Variants in GPN2 observed in about 807,000 individuals in gnomAD.
The protein encoded by GPN2 is GPN-loop GTPase 2, also known as ATP-binding domain 1 family member B.
In GPN2, 27 loss-of-function variants were observed where a neutral mutation model predicts 30.1. The ratio of observed to expected loss-of-function variants is 0.90; its 90% CI spans 0.66 to 1.24. The LOEUF is 1.24. GPN2 is among the 50% of genes most tolerant of loss of function. The probability of loss-of-function intolerance (pLI) is 0.00; values close to 1 mark genes in which losing one functional copy is unlikely to be tolerated. For synonymous variants in GPN2, 212 were observed against 174.4 expected (o/e 1.22, Z -1.70); for missense variants, 406 against 405.4 (o/e 1.00, Z -0.01).
intron 3 of GPN2, among the ~76,000 whole-genome samples, chr1:26,884,646 T>C (rs1258198784): frequency 1.3e-5 from 2 of 152,200 alleles, no homozygotes; most frequent in East Asian, 3.9e-4. Context: ...CCTGGCACAG[T>C]ACTTCTCTTA....
Position 26,886,325 on chromosome 1 carries a change from G to A in GPN2, c.569-192C>T, listed in dbSNP as rs907284035. The A allele has an allele frequency of 1.3e-5, 8 of 615,084 alleles. 1 individual carries two copies. Among genetic ancestry groups the A allele is most frequent in the African/African-American group, 1.3e-4 (7 of 54,688 alleles). The allele number at this position is 615,084 out of a possible 1,614,324, so 38.1% of individuals were successfully genotyped here. On this transcript the variant is annotated intron_variant, in intron 2 of 4. Transcript: ENST00000374135. ...TGCTATTTACTAGCTATATAGGCAG[G>A]TATCTACTTCATAGGACTGTTATGA...
chr1:26,888,885 A>C, intron 2 of GPN2, 84 bp downstream of exon 2: 2 of 1,381,292 alleles, frequency 1.4e-6, no homozygotes, highest in Non-Finnish European at 2.0e-6. Context: ...GCAAGGCACC[A>C]GAGGCAGCTA....
At position 26,889,826 on chromosome 1, in the gene GPN2, T is replaced by C; in HGVS notation, c.271A>G (p.Asn91Asp). The part of the protein sequence containing the change: ...LLYCMEYLEA[N>D]LDWLRAKLDP... ...AGCTTGGCACGCAGCCAGTCCAGGTTGGCTTCCAGGTACTCCATGCAGTAG... is the reference window on the plus strand; with the variant it reads ...AGCTTGGCACGCAGCCAGTCCAGGTCGGCTTCCAGGTACTCCATGCAGTAG... Residue 91 changes from asparagine (N) to aspartate (D), a missense_variant, in exon 1 of 5, where the codon AAC becomes GAC. Transcript: ENST00000374135. 11 of 1,613,770 alleles carry C rather than the reference T, an allele frequency of 6.8e-6. No individual in the cohort carries two copies. The highest frequency in any genetic ancestry group is 9.3e-6 in the Non-Finnish European group (11 of 1,179,998).
intron 2 of GPN2, 21 bp downstream of exon 2, chr1:26,888,948 G>C: frequency 6.2e-7 from 1 of 1,613,276 alleles, no homozygotes; most frequent in Non-Finnish European, 8.5e-7. Flanking sequence ...CCTGCTCTTC[G>C]CCTGGAACAG....
At chr1:26,880,700 G>A (rs961709911) in intron 4 of GPN2, among the ~76,000 whole-genome samples, 1 of 151,934 alleles carries the variant, frequency 6.6e-6, no homozygotes, top group Non-Finnish European at 1.5e-5. Context: ...TCCTGGCCTT[G>A]AGCAATCCTC....
At chr1:26,888,230 G>A (rs1390053842) in intron 2 of GPN2, among the ~76,000 whole-genome samples, 2 of 151,982 alleles carry the variant, frequency 1.3e-5, no homozygotes, top group African/African-American at 4.8e-5. Context: ...CCTCATACCA[G>A]CCTGCTTCTA....
chr1:26,889,695 C>T lies in GPN2; in HGVS notation c.402G>A (p.Trp134Ter). 3.8e-6 allele frequency: 6 copies of T among 1,580,616 alleles called. No homozygotes were observed. Among genetic ancestry groups the T allele is most frequent in the Non-Finnish European group, 5.2e-6 (6 of 1,159,854 alleles). ...CCGCCCTGAGACGCACCCTGAGGTC[C>T]CACTGCGCCATTTGGGAGAAGATGC... ...LRSIFSQMAQWDLRLTAVHLV... is the reference protein window; with the variant it reads ...LRSIFSQMAQ The change falls in exon 1 of 5, where the codon TGG becomes TGA. Residue 134 changes from tryptophan to a stop codon, truncating the protein, a stop_gained. Coordinates refer to ENST00000374135, the MANE Select transcript of GPN2 (RefSeq NM_018066.4). LOFTEE classifies it high-confidence loss of function.
At position 26,879,688 on chromosome 1, in the gene GPN2, T is replaced by A. The variant is rs2081855022; in HGVS notation, c.922A>T (p.Met308Leu). The A allele has an allele frequency of 1.9e-6, 3 of 1,613,354 alleles. No homozygotes were observed. Among genetic ancestry groups the A allele is most frequent in the Non-Finnish European group, 2.5e-6 (3 of 1,179,396 alleles). Reference sequence around the variant, plus strand: ...GGTCCACCTTGTTGCTACAGCTGCATGGCTTCCTGCTCCACTGACTGGTTC... The same window carrying A: ...GGTCCACCTTGTTGCTACAGCTGCAAGGCTTCCTGCTCCACTGACTGGTTC... ...PSNQSVEQEA[M>L]QL is the part of the protein sequence containing the mutation. The change falls in exon 5 of 5, where the codon ATG (methionine) becomes TTG (leucine). Residue 308 changes from methionine (M) to leucine (L), a missense_variant. Physicochemically the swap from Met to Leu is conservative, Grantham distance 15. Transcript: ENST00000374135.
chr1:26,882,981 C>T (rs1165392545), intron 4 of GPN2, among the ~76,000 whole-genome samples: 2 of 152,248 alleles, frequency 1.3e-5, no homozygotes, highest in Non-Finnish European at 2.9e-5. Context: ...CAGTCACTGA[C>T]TCTTACAGTC....
In GPN2 at chr1:26,879,494, G is replaced by A; in HGVS notation, c.*183C>T. 4.9e-6 allele frequency: 3 copies of A among 611,982 alleles called. No individual in the cohort carries two copies. Among genetic ancestry groups the A allele is most frequent in the Admixed American group, 2.6e-5 (1 of 38,246 alleles). 37.9% of individuals were successfully genotyped at this position (611,982 alleles called of 1,614,324 possible). A position where few individuals can be genotyped will look rare whatever the true frequency, so the allele number is the denominator to read the frequency against. ...ACGGACACCACTGACAGTATGGGGG[G>A]TGTTCTGCTTGGCACCATGTCTGGC... On this transcript the variant is annotated 3_prime_UTR_variant, in exon 5 of 5. Transcript: ENST00000374135.
At chr1:26,882,154 T>C (rs1570691034) in intron 4 of GPN2, among the ~76,000 whole-genome samples, 1 of 149,318 alleles carries the variant, frequency 6.7e-6, no homozygotes, top group Admixed American at 6.7e-5. Flanking sequence ...GAGATGGAGG[T>C]TGCAGTGAGC....
intron 4 of GPN2, among the ~76,000 whole-genome samples, chr1:26,882,376 A>C (rs2081868849): frequency 6.6e-6 from 1 of 152,094 alleles, no homozygotes; most frequent in Non-Finnish European, 1.5e-5. Flanking sequence ...AATTTAAAAA[A>C]AAAATTGCTC....
At chr1:26,885,801 G>C (rs558913704) in intron 3 of GPN2, among the ~76,000 whole-genome samples, 172 bp downstream of exon 3, 4 of 151,886 alleles carry the variant, frequency 2.6e-5, no homozygotes, top group Non-Finnish European at 5.9e-5. Flanking sequence ...GGATGGTCTC[G>C]ATCTCCTGAC....
chr1:26,890,141 G>A lies in GPN2; in HGVS notation c.-45C>T, dbSNP rs1212816636. On this transcript the variant is annotated 5_prime_UTR_variant, in exon 1 of 5. Coordinates refer to ENST00000374135, the MANE Select transcript of GPN2 (RefSeq NM_018066.4). ...GCAGGTCAACTCACAGGGAAAACGG[G>A]GCAGGTAGCCGCGCCGGAGACGAGA... is the stretch of plus-strand genomic sequence containing the variant. 2 of 1,450,016 alleles carry A rather than the reference G, an allele frequency of 1.4e-6. No individual in the cohort carries two copies. Among genetic ancestry groups the A allele is most frequent in the Non-Finnish European group, 1.8e-6 (2 of 1,103,184 alleles). 89.8% of individuals were successfully genotyped at this position (1,450,016 alleles called of 1,614,324 possible).
chr1:26,884,598 C>T lies in GPN2; in HGVS notation c.730-308G>A, dbSNP rs2081881747. Among the ~76,000 whole-genome samples the T allele has an allele frequency of 2.0e-5, 3 of 152,300 alleles. No homozygotes were observed. The South Asian group carries it at 6.2e-4, about 32-fold the overall frequency. ...CTGCCTCCCCTACTCAACTAAACAC[C>T]CCTTAGGGCCAGGTCATCTGTCGCA... On this transcript the variant is annotated intron_variant, in intron 3 of 4. Transcript: ENST00000374135.
intron 4 of GPN2, among the ~76,000 whole-genome samples, chr1:26,881,232 A>C (rs1282030276): frequency 2.0e-5 from 3 of 152,226 alleles, no homozygotes; most frequent in Non-Finnish European, 4.4e-5. Context: ...CTTAAGTCGA[A>C]AATGCATTTA....
At chr1:26,885,513 C>T (rs536402358) in intron 3 of GPN2, among the ~76,000 whole-genome samples, 50 of 151,830 alleles carry the variant, frequency 3.3e-4, no homozygotes, top group Middle Eastern at 3.4e-3. Flanking sequence ...TCTGCCCCTA[C>T]AGCAGCCCCT....
chr1:26,886,821 A>G (rs1186704498), intron 2 of GPN2, among the ~76,000 whole-genome samples: 1 of 151,306 alleles, frequency 6.6e-6, no homozygotes, highest in Non-Finnish European at 1.5e-5. Flanking sequence ...CCGTCTCAAA[A>G]AAAAAGAAAA....
intron 3 of GPN2, among the ~76,000 whole-genome samples, chr1:26,885,002 A>C (rs1001678558): frequency 9.2e-5 from 14 of 152,146 alleles, no homozygotes; most frequent in South Asian, 2.1e-4. Flanking sequence ...CAAAACAAAA[A>C]AAAACTATAA....
Sources: allele counts gnomAD v4.1 joint callset (sites outside exome capture counted in the v4.1 genomes callset), GRCh38; gene constraint gnomAD v4.1.1; transcripts MANE v1.5; gene names NCBI Gene and HGNC (gene_info 2026-07-23, HGNC 2026-07-21).